The following NCKAP5 variants were observed in gnomAD, a reference collection of about 807,000 sequenced individuals.
The protein encoded by NCKAP5 is NCK associated protein 5.
In NCKAP5, 92 loss-of-function variants were observed where a neutral mutation model predicts 167.0. The ratio of observed to expected loss-of-function variants is 0.55; its 90% CI spans 0.47 to 0.66. The LOEUF (loss-of-function observed/expected upper bound fraction) is 0.66, where lower values mean the gene tolerates loss of function less well. NCKAP5 is among the 30% of genes least tolerant of loss of function. The pLI is 0.00. For synonymous variants in NCKAP5, 891 were observed against 877.4 expected, an observed-to-expected ratio of 1.02 and a Z score of -0.27; for missense variants, 2,378 against 2,315.0, an observed-to-expected ratio of 1.03 and a Z score of -0.56.
At chr2:133,043,722 A>G (rs942823532) in intron 6 of NCKAP5, among the ~76,000 whole-genome samples, 2 of 152,306 alleles carry the variant, frequency 1.3e-5, no homozygotes, top group East Asian at 3.9e-4. Context: ...CCTAGCTCAG[A>G]CTAAGTACGT....
At chr2:133,621,417 T>C in the NCKAP5 span, among the ~76,000 whole-genome samples, 3 of 151,750 alleles carry the variant, frequency 2.0e-5, no homozygotes, top group Admixed American at 6.6e-5. Flanking sequence ...CCAAATAAGC[T>C]CAATTAGAAA....
At chr2:133,273,960 A>G (rs1317669791) in intron 4 of NCKAP5, among the ~76,000 whole-genome samples, 2 of 148,392 alleles carry the variant, frequency 1.3e-5, no homozygotes, top group African/African-American at 5.0e-5. Flanking sequence ...TTAACCTGAT[A>G]AAGTTTGTCT....
At chr2:133,465,766 T>C (rs1455443957) in intron 3 of NCKAP5, among the ~76,000 whole-genome samples, 4 of 152,018 alleles carry the variant, frequency 2.6e-5, no homozygotes, top group Admixed American at 1.3e-4. Flanking sequence ...CCAGTGATGA[T>C]GAGCATTTTT....
At chr2:132,774,798 T>A (rs1473456901) in intron 15 of NCKAP5, among the ~76,000 whole-genome samples, 1 of 152,190 alleles carries the variant, frequency 6.6e-6, no homozygotes, top group Non-Finnish European at 1.5e-5. Flanking sequence ...GATCTCAAAA[T>A]CCTTACAACA....
At chr2:133,134,036 T>A (rs2082700080) in intron 5 of NCKAP5, among the ~76,000 whole-genome samples, 1 of 152,218 alleles carries the variant, frequency 6.6e-6, no homozygotes, top group Admixed American at 6.5e-5. Context: ...AATCTTAGGT[T>A]TGCCGATTGC....
intron 19 of NCKAP5, among the ~76,000 whole-genome samples, chr2:132,705,216 C>T (rs375176104): frequency 8.5e-5 from 13 of 152,116 alleles, no homozygotes; most frequent in African/African-American, 3.1e-4. Flanking sequence ...CTCTCTCTCT[C>T]TGCTGGATTA....
At chr2:133,212,600 T>C (rs932311217) in intron 5 of NCKAP5, among the ~76,000 whole-genome samples, 1 of 152,190 alleles carries the variant, frequency 6.6e-6, no homozygotes, top group African/African-American at 2.4e-5. Context: ...GCTCCTGACC[T>C]CAGGTGATCT....
chr2:133,589,117 G>T, the NCKAP5 span, among the ~76,000 whole-genome samples: 1 of 152,192 alleles, frequency 6.6e-6, no homozygotes, highest in African/African-American at 2.4e-5. Flanking sequence ...TATTGGGGTT[G>T]CTGGGAAAGA....
At chr2:132,958,377 C>CA (rs1293082895) in intron 8 of NCKAP5, among the ~76,000 whole-genome samples, 2 of 152,122 alleles carry the variant, frequency 1.3e-5, no homozygotes, top group African/African-American at 4.8e-5. Context: ...AAAACAACAA[C>CA]AAAAAATACC....
the NCKAP5 span, among the ~76,000 whole-genome samples, chr2:133,598,632 T>C: frequency 6.6e-6 from 1 of 152,270 alleles, no homozygotes; most frequent in East Asian, 1.9e-4. Flanking sequence ...ATTCCTTTCT[T>C]GTGAATACCA....
At position 132,754,037 on chromosome 2, in the gene NCKAP5, T is replaced by C. The variant is rs986241386; in HGVS notation, c.5128+19779A>G. ...TTTCCCACAGGCTAAGCTAAAGTTG[T>C]AGCCAGGCTGAAGACATGTGTCTGT... On this transcript the variant is annotated intron_variant, in intron 16 of 19. Transcript: ENST00000409261. 5.9e-5 allele frequency among the ~76,000 whole-genome samples: 9 copies of C among 152,352 alleles called. 1 individual carries two copies. Among genetic ancestry groups the C allele is most frequent in the Middle Eastern group, 6.8e-3 (2 of 294 alleles).
At chr2:133,051,498 T>C (rs2079606207) in intron 6 of NCKAP5, among the ~76,000 whole-genome samples, 1 of 152,080 alleles carries the variant, frequency 6.6e-6, no homozygotes, top group Non-Finnish European at 1.5e-5. Flanking sequence ...TGGTCAAAAT[T>C]AAAGCAGGTG....
Position 132,784,101 on chromosome 2 carries a change from T to C in NCKAP5, c.2710A>G (p.Ser904Gly), listed in dbSNP as rs768932343. The change falls in exon 14 of 20, where the codon AGT becomes GGT. Residue 904 changes from serine (S) to glycine (G), a missense_variant. Physicochemically the swap from Ser to Gly is moderately conservative, Grantham distance 56 (BLOSUM62 0). Around this residue, in one of 3 missense-constraint regions of NCKAP5, gnomAD observed 1,325 missense variants for 1,274.5 expected, o/e 1.04. Coordinates refer to ENST00000409261, the MANE Select transcript of NCKAP5 (RefSeq NM_207363.3). ...CTCGTGGGGGGCTCTCCACTGTCAC[T>C]AGACTCAATGGCAGGCCTTGACCGT... ...GSRSRPAIES[S>G]DSGEPPTRDE... 1.3e-6 allele frequency: 2 copies of C among 1,522,178 alleles called. No homozygotes were observed. The highest frequency in any genetic ancestry group is 2.8e-5 in the African/African-American group (2 of 71,916). The allele number at this position is 1,522,178 out of a possible 1,614,324, so 94.3% of individuals were successfully genotyped here. A position where few individuals can be genotyped will look rare whatever the true frequency, so the allele number is the denominator to read the frequency against.
At chr2:132,926,486 C>A (rs1231773610) in intron 8 of NCKAP5, among the ~76,000 whole-genome samples, 15 of 152,176 alleles carry the variant, frequency 9.9e-5, no homozygotes, top group Non-Finnish European at 5.9e-5. Context: ...TACTTTCCCA[C>A]AAATAGTATA....
chr2:133,317,588 C>T lies in NCKAP5; in HGVS notation c.70-14478G>A, dbSNP rs114673252. On this transcript the variant is annotated intron_variant, in intron 3 of 19. Coordinates refer to ENST00000409261, the MANE Select transcript of NCKAP5 (RefSeq NM_207363.3). ...GTAGGCCTATTCAATAGAACCTGCTCTCCAGTCAAGGCTGCCAACTCAGAG... is the reference window on the plus strand; with the variant it reads ...GTAGGCCTATTCAATAGAACCTGCTTTCCAGTCAAGGCTGCCAACTCAGAG... 8.5e-3 allele frequency among the ~76,000 whole-genome samples: 1,287 copies of T among 152,244 alleles called. 29 individuals are homozygous for T. The highest frequency in any genetic ancestry group is 0.073 in the South Asian group (354 of 4,826).
intron 3 of NCKAP5, among the ~76,000 whole-genome samples, chr2:133,468,311 T>C (rs1282956726): frequency 6.9e-6 from 1 of 145,102 alleles, no homozygotes; most frequent in Non-Finnish European, 1.5e-5. Flanking sequence ...TTCTATGTAG[T>C]TGAGCGGTTT....
At chr2:133,348,546 C>T (rs1403833936) in intron 3 of NCKAP5, among the ~76,000 whole-genome samples, 2 of 152,114 alleles carry the variant, frequency 1.3e-5, no homozygotes, top group African/African-American at 4.8e-5. Flanking sequence ...TTCACATCCC[C>T]AAAGGCCCTA....
chr2:132,933,673 T>C (rs955077587), intron 8 of NCKAP5, among the ~76,000 whole-genome samples: 3 of 152,242 alleles, frequency 2.0e-5, no homozygotes, highest in African/African-American at 7.2e-5. Flanking sequence ...GAAATAGCTT[T>C]GATCTGATCA....
chr2:133,498,187 G>T (rs963029759), intron 3 of NCKAP5, among the ~76,000 whole-genome samples: 46 of 152,240 alleles, frequency 3.0e-4, no homozygotes, highest in African/African-American at 7.5e-4. Context: ...TGAGAGCTGT[G>T]GCTACTGTGT....
Sources: allele counts gnomAD v4.1 joint callset (sites outside exome capture counted in the v4.1 genomes callset), GRCh38; gene constraint gnomAD v4.1.1; regional missense constraint gnomAD v4.1.1; transcripts MANE v1.5; gene names NCBI Gene and HGNC (gene_info 2026-07-23, HGNC 2026-07-21).